ELP4: variants seen among roughly 807,000 people sequenced by gnomAD.
ELP4 encodes elongator acetyltransferase complex subunit 4, also known as elongator complex protein 4.
In ELP4, 51 loss-of-function variants were observed where a neutral mutation model predicts 48.9. That is an observed-to-expected ratio of 1.04 (90% CI 0.83 to 1.32). ELP4 has a LOEUF of 1.32. Ranked by LOEUF, ELP4 falls within the 40% of genes most tolerant of loss-of-function variation. The probability of loss-of-function intolerance (pLI) is 0.00; values close to 1 mark genes in which losing one functional copy is unlikely to be tolerated. For synonymous variants in ELP4, 210 were observed against 189.2 expected (o/e 1.11, Z -0.90); for missense variants, 519 against 514.6 (o/e 1.01, Z -0.08).
At chr11:31,742,094 C>T (rs1054852723) in intron 9 of ELP4, among the ~76,000 whole-genome samples, 1 of 151,992 alleles carries the variant, frequency 6.6e-6, no homozygotes, top group East Asian at 1.9e-4. Context: ...AGCTACATGA[C>T]GAATGCAGAA....
intron 9 of ELP4, among the ~76,000 whole-genome samples, chr11:31,677,843 AATTGATACATTATT>A (rs1346995225): frequency 2.0e-5 from 3 of 152,188 alleles, no homozygotes; most frequent in African/African-American, 4.8e-5. Context: ...GGTGAGCCAG[AATTGATACATTATT>A]ATTGACTGAA....
intron 9 of ELP4, among the ~76,000 whole-genome samples, chr11:31,693,653 T>A (rs1428034974): frequency 1.3e-5 from 2 of 152,248 alleles, no homozygotes; most frequent in Admixed American, 1.3e-4. Context: ...GCAGCATGAT[T>A]TGTAATCCTT....
chr11:31,678,537 GTGTGTA>G (rs879909862), intron 9 of ELP4, among the ~76,000 whole-genome samples: 6,569 of 71,000 alleles, frequency 0.093, 175 homozygotes, highest in Middle Eastern at 0.12. Context: ...GTGTGTGTGT[GTGTGTA>G]TATGTGCATT....
chr11:31,664,920 A>T (rs932819594), intron 9 of ELP4, among the ~76,000 whole-genome samples: 1 of 152,138 alleles, frequency 6.6e-6, no homozygotes, highest in African/African-American at 2.4e-5. Context: ...ATAATGTGTG[A>T]CTTTTCTGGT....
At chr11:31,658,911 A>G (rs1565099493) in intron 9 of ELP4, among the ~76,000 whole-genome samples, 1 of 152,032 alleles carries the variant, frequency 6.6e-6, no homozygotes, top group Non-Finnish European at 1.5e-5. Flanking sequence ...TCTTTTGCAA[A>G]AAGCTTGATT....
chr11:31,726,859 A>G (rs971753990), intron 9 of ELP4, among the ~76,000 whole-genome samples: 2 of 152,210 alleles, frequency 1.3e-5, no homozygotes, highest in Admixed American at 1.3e-4. Flanking sequence ...TTGCATGTTA[A>G]TACTATGTTT....
chr11:31,645,628 G>A (rs1386914444), intron 7 of ELP4: 1 of 151,570 alleles, frequency 6.6e-6, no homozygotes, highest in Non-Finnish European at 1.5e-5. Context: ...TAGATAAAAA[G>A]GCTTAGTCTT....
chr11:31,509,844 A>T lies in ELP4; in HGVS notation c.60A>T (p.Thr20=). Residue 20 remains threonine, a synonymous_variant, in exon 1 of 10, where the codon ACA becomes ACT. Coordinates refer to ENST00000640961, the MANE Select transcript of ELP4 (RefSeq NM_019040.5). ...VAASTGSAVA[T]ASKSNVTSFQ... Reference sequence around the variant, plus strand: ...CGAGTACTGGGTCTGCAGTGGCGACAGCCAGCAAGAGCAACGTCACCAGTT... The same window carrying T: ...CGAGTACTGGGTCTGCAGTGGCGACTGCCAGCAAGAGCAACGTCACCAGTT... 6.2e-7 allele frequency: 1 copy of T among 1,614,204 alleles called. No homozygotes were observed.
chr11:31,542,009 C>G (rs1956599632), intron 3 of ELP4, among the ~76,000 whole-genome samples: 1 of 152,160 alleles, frequency 6.6e-6, no homozygotes, highest in Non-Finnish European at 1.5e-5. Context: ...CCAAGCTGCA[C>G]ATGTCTGACC....
intron 2 of ELP4, among the ~76,000 whole-genome samples, chr11:31,533,538 C>T (rs1048371544): frequency 1.3e-5 from 2 of 151,420 alleles, no homozygotes; most frequent in Non-Finnish European, 2.9e-5. Context: ...CCATCAAGCC[C>T]GGCTAATTTT....
At chr11:31,732,917 TGAA>T (rs1947224464) in intron 9 of ELP4, among the ~76,000 whole-genome samples, 3 of 152,030 alleles carry the variant, frequency 2.0e-5, no homozygotes, top group Admixed American at 2.0e-4. Flanking sequence ...CCCAAATAGA[TGAA>T]GCAAACAGTG....
chr11:31,762,396 C>A (rs1947962256), intron 9 of ELP4, among the ~76,000 whole-genome samples: 2 of 152,188 alleles, frequency 1.3e-5, no homozygotes, highest in South Asian at 4.2e-4. Context: ...CAGAAATCTA[C>A]ATTTTATTCG....
chr11:31,510,151 G>A, intron 1 of ELP4, 144 bp downstream of exon 1: 1 of 731,378 alleles, frequency 1.4e-6, no homozygotes, highest in Non-Finnish European at 2.2e-6. Context: ...TTGAGATGGA[G>A]GGGAATACGG....
chr11:31,549,399 C>G (rs921138911), intron 3 of ELP4, among the ~76,000 whole-genome samples: 1 of 152,240 alleles, frequency 6.6e-6, no homozygotes, highest in Non-Finnish European at 1.5e-5. Context: ...CTCACCATCA[C>G]TGGCCATCAG....
intron 9 of ELP4, among the ~76,000 whole-genome samples, chr11:31,692,716 A>G (rs904263243): frequency 1.2e-4 from 18 of 152,094 alleles, no homozygotes; most frequent in African/African-American, 4.1e-4. Flanking sequence ...TCATTCACAC[A>G]TGATGTTGCC....
intron 3 of ELP4, among the ~76,000 whole-genome samples, chr11:31,560,684 A>ATTATTTTATATATATATAAAACAACG (rs1957004892): frequency 9.2e-6 from 1 of 108,800 alleles, no homozygotes. Context: ...TAAAGACCAC[A>ATTATTTTATATATATATAAAACAACG]TTGTTTTATA....
chr11:31,556,933 A>G (rs1158749320), intron 3 of ELP4, among the ~76,000 whole-genome samples: 2 of 151,888 alleles, frequency 1.3e-5, no homozygotes, highest in African/African-American at 4.8e-5. Context: ...ATCAAATATA[A>G]CAGCAAATGA....
At chr11:31,516,692 A>G (rs1479371259) in intron 1 of ELP4, among the ~76,000 whole-genome samples, 2 of 152,082 alleles carry the variant, frequency 1.3e-5, no homozygotes, top group South Asian at 2.1e-4. Context: ...GAGTTTTGCC[A>G]TTTTGTCCAG....
intron 1 of ELP4, among the ~76,000 whole-genome samples, chr11:31,516,406 T>TA (rs1213011170): frequency 6.6e-6 from 1 of 152,260 alleles, no homozygotes; most frequent in African/African-American, 2.4e-5. Flanking sequence ...GGAAGTGTGA[T>TA]ATAAGATGTT....
Sources: allele counts gnomAD v4.1 joint callset (sites outside exome capture counted in the v4.1 genomes callset), GRCh38; gene constraint gnomAD v4.1.1; transcripts MANE v1.5; gene names NCBI Gene and HGNC (gene_info 2026-07-23, HGNC 2026-07-21).